Variants in GABRG3 observed in about 807,000 individuals in gnomAD.
GABRG3 encodes gamma-aminobutyric acid type A receptor subunit gamma3, also known as gamma-aminobutyric acid receptor subunit gamma-3.
In GABRG3, 25 loss-of-function variants were observed where a neutral mutation model predicts 48.8. That is an observed-to-expected ratio of 0.51 (90% confidence interval 0.37 to 0.72). The LOEUF (loss-of-function observed/expected upper bound fraction) is 0.72. Among genes scored for constraint, GABRG3 ranks in the 30% least tolerant of loss-of-function variants. The pLI is 0.00. For synonymous variants in GABRG3, 227 were observed against 217.6 expected, an observed-to-expected ratio of 1.04 and a Z score of -0.38; for missense variants, 394 against 577.9, an observed-to-expected ratio of 0.68 and a Z score of 3.26.
At chr15:27,081,448 T>C (rs1285866534) in intron 3 of GABRG3, among the ~76,000 whole-genome samples, 3 of 143,354 alleles carry the variant, frequency 2.1e-5, no homozygotes, top group Non-Finnish European at 4.7e-5. Context: ...ATTAATAAAT[T>C]ATTGAATATT....
At chr15:27,035,619 T>C (rs1309814336) in intron 3 of GABRG3, among the ~76,000 whole-genome samples, 1 of 152,192 alleles carries the variant, frequency 6.6e-6, no homozygotes, top group African/African-American at 2.4e-5. Flanking sequence ...ACTCTCCCGC[T>C]TTACCTTGAC....
At chr15:27,365,021 A>G (rs1895145342) in intron 5 of GABRG3, 1 of 152,124 alleles carries the variant, frequency 6.6e-6, no homozygotes, top group Non-Finnish European at 1.5e-5. Flanking sequence ...TGGTGAGAGA[A>G]CTTGGGAGTT....
At chr15:27,456,080 A>G (rs756016553) in intron 5 of GABRG3, among the ~76,000 whole-genome samples, 1 of 152,056 alleles carries the variant, frequency 6.6e-6, no homozygotes, top group Non-Finnish European at 1.5e-5. Context: ...CTGGGTGACT[A>G]TGGTCCCGCA....
intron 5 of GABRG3, among the ~76,000 whole-genome samples, chr15:27,407,540 C>A (rs553386546): frequency 7.8e-4 from 119 of 152,220 alleles, no homozygotes; most frequent in Admixed American, 2.5e-3. Context: ...TCATAATTAC[C>A]AACACTTGGA....
chr15:27,239,203 G>A (rs1367675293), intron 3 of GABRG3, among the ~76,000 whole-genome samples: 1 of 152,356 alleles, frequency 6.6e-6, no homozygotes, highest in East Asian at 1.9e-4. Flanking sequence ...TACACAGGCA[G>A]TTGCTTGGCA....
chr15:27,101,221 A>G (rs918965079), intron 3 of GABRG3, among the ~76,000 whole-genome samples: 6 of 152,252 alleles, frequency 3.9e-5, no homozygotes, highest in Admixed American at 2.0e-4. Flanking sequence ...GCTTCAAAAA[A>G]TGAAATACTT....
Position 27,470,274 on chromosome 15 carries a change from T to C in GABRG3, c.575-10376T>C, listed in dbSNP as rs571011261. Among the ~76,000 whole-genome samples the C allele has an allele frequency of 3.7e-4, 56 of 151,536 alleles. No homozygotes were observed. In the South Asian group the frequency reaches 0.01, roughly 28 times the overall value. On this transcript the variant is annotated intron_variant, in intron 5 of 9. Coordinates refer to ENST00000615808, the MANE Select transcript of GABRG3 (RefSeq NM_033223.5). ...TTTTTTTCTTGAGGCGGAGTCTCGC[T>C]CTGTAATGGCGCGATCTTAGCTCAC...
chr15:27,137,054 G>A (rs901042829), intron 3 of GABRG3, among the ~76,000 whole-genome samples: 7 of 152,194 alleles, frequency 4.6e-5, no homozygotes, highest in Non-Finnish European at 8.8e-5. Flanking sequence ...CTGAGGAGCT[G>A]CCTGACTCGT....
chr15:27,027,441 G>A (rs941693134), intron 3 of GABRG3, among the ~76,000 whole-genome samples: 3 of 152,228 alleles, frequency 2.0e-5, no homozygotes, highest in East Asian at 1.9e-4. Flanking sequence ...CCCCGCCTGC[G>A]GAGGTCCTGC....
chr15:27,397,010 G>A (rs941437600), intron 5 of GABRG3, among the ~76,000 whole-genome samples: 7 of 152,166 alleles, frequency 4.6e-5, no homozygotes, highest in Non-Finnish European at 8.8e-5. Flanking sequence ...TGGTATCGAA[G>A]TGGTGAACAC....
chr15:27,144,914 G>A (rs1356860802), intron 3 of GABRG3, among the ~76,000 whole-genome samples: 1 of 152,150 alleles, frequency 6.6e-6, no homozygotes, highest in Admixed American at 6.5e-5. Context: ...ACTTAGCTAA[G>A]ATGTCAATAG....
chr15:27,482,355 C>A (rs1890120361), intron 6 of GABRG3, among the ~76,000 whole-genome samples: 1 of 152,208 alleles, frequency 6.6e-6, no homozygotes, highest in African/African-American at 2.4e-5. Context: ...AAGTCACGCC[C>A]TGCCTGCAGC....
At chr15:27,303,681 T>A (rs1892290414) in intron 3 of GABRG3, among the ~76,000 whole-genome samples, 1 of 151,466 alleles carries the variant, frequency 6.6e-6, no homozygotes, top group African/African-American at 2.4e-5. Context: ...ACACAATATA[T>A]TTCATGGATG....
intron 3 of GABRG3, among the ~76,000 whole-genome samples, chr15:27,206,370 C>T (rs1401722268): frequency 6.6e-6 from 1 of 152,030 alleles, no homozygotes; most frequent in Non-Finnish European, 1.5e-5. Flanking sequence ...TTTTGAGAGA[C>T]TTTCTTGGTA....
intron 6 of GABRG3, among the ~76,000 whole-genome samples, chr15:27,500,444 A>C (rs1210257186): frequency 1.3e-5 from 2 of 152,188 alleles, no homozygotes; most frequent in Admixed American, 6.5e-5. Context: ...TTAGCCATGC[A>C]CTGGGGAGCT....
intron 3 of GABRG3, among the ~76,000 whole-genome samples, chr15:27,130,923 A>G (rs953934215): frequency 6.6e-6 from 1 of 151,814 alleles, no homozygotes; most frequent in Non-Finnish European, 1.5e-5. Context: ...TTTCTTTGTT[A>G]TTATTTTTTT....
intron 5 of GABRG3, among the ~76,000 whole-genome samples, chr15:27,354,682 C>G (rs936643115): frequency 6.6e-6 from 1 of 152,186 alleles, no homozygotes. Flanking sequence ...AGAGAGACTA[C>G]TGTAGGAACT....
chr15:27,318,149 T>C (rs1025370881), intron 3 of GABRG3, among the ~76,000 whole-genome samples: 8 of 152,162 alleles, frequency 5.3e-5, no homozygotes, highest in Admixed American at 2.0e-4. Flanking sequence ...CAGTGCACAC[T>C]TATGAGCACT....
At chr15:27,190,180 A>T (rs1888245797) in intron 3 of GABRG3, among the ~76,000 whole-genome samples, 1 of 152,170 alleles carries the variant, frequency 6.6e-6, no homozygotes, top group Admixed American at 6.5e-5. Context: ...TACTGGTCTA[A>T]AATTCTCTTT....
Sources: allele counts gnomAD v4.1 joint callset (sites outside exome capture counted in the v4.1 genomes callset), GRCh38; gene constraint gnomAD v4.1.1; transcripts MANE v1.5; gene names NCBI Gene and HGNC (gene_info 2026-07-23, HGNC 2026-07-21).